Variants in LTBP1 observed in about 807,000 individuals in gnomAD.
LTBP1 encodes latent-transforming growth factor beta-binding protein 1.
In LTBP1, 129 loss-of-function variants were observed where a neutral mutation model predicts 207.6. The observed-to-expected ratio is 0.62, with a 90% confidence interval of 0.54 to 0.72. The LOEUF is 0.72. Ranked by LOEUF, LTBP1 falls within the 30% of genes least tolerant of loss-of-function variation. The pLI, the probability that LTBP1 is intolerant of heterozygous loss-of-function variation, is 0.00. For missense variants in LTBP1, 2,281 were observed against 2,217.2 expected (o/e 1.03, Z -0.58); for synonymous variants, 963 against 833.7 (o/e 1.16, Z -2.67).
At chr2:32,998,941 G>T (rs1449841198) in intron 2 of LTBP1, among the ~76,000 whole-genome samples, 1 of 152,232 alleles carries the variant, frequency 6.6e-6, no homozygotes, top group African/African-American at 2.4e-5. Context: ...CTAAGAACAT[G>T]GTCTGGACCA....
At position 33,082,431 on chromosome 2, in the gene LTBP1, ACTT is replaced by A. The variant is rs1312930130; in HGVS notation, c.864-28150_864-28148del. Among the ~76,000 whole-genome samples the A allele has an allele frequency of 1.5e-4, 17 of 116,038 alleles. 3 individuals carry two copies. The highest frequency in any genetic ancestry group is 1.4e-3 in the East Asian group (5 of 3,606). 76.1% of individuals were successfully genotyped at this position (116,038 alleles called of 152,430 possible). On this transcript the variant is annotated intron_variant, in intron 3 of 33. Coordinates refer to ENST00000404816, the MANE Select transcript of LTBP1 (RefSeq NM_206943.4). ...GTTAACCGTGGCTAAAGTATGACTC[ACTT>A]TTTTTTTTTTTTTTTTTTTTTTTTT...
chr2:33,398,251 C>T (rs375188583), intron 33 of LTBP1, 113 bp from the exon 34 acceptor site: 98 of 892,958 alleles, frequency 1.1e-4, no homozygotes, highest in South Asian at 6.2e-4. Flanking sequence ...GAAGCAATGA[C>T]GAGAAAGCTT....
rs565319084 is a variant in LTBP1 at position 33,009,926 on chromosome 2, G to T, written c.566-10983G>T. Among the ~76,000 whole-genome samples, 93 of 152,314 alleles carry T rather than the reference G, an allele frequency of 6.1e-4. 1 individual carries two copies. The South Asian group carries it at 0.019, about 31-fold the overall frequency. ...ATCTGGAGTTCCAATAAGAGGACAA[G>T]GCCAGACATCTAAGTTCGGGCACTG... is the stretch of plus-strand genomic sequence containing the variant. On this transcript the variant is annotated intron_variant, in intron 2 of 33. Transcript: ENST00000404816.
chr2:32,987,630 G>A (rs976829368), intron 2 of LTBP1, among the ~76,000 whole-genome samples: 2 of 152,174 alleles, frequency 1.3e-5, no homozygotes, highest in African/African-American at 4.8e-5. Context: ...TTCCCTAATA[G>A]TTAGTGGGAA....
chr2:33,383,558 T>A (rs1462531687), intron 31 of LTBP1, among the ~76,000 whole-genome samples: 2 of 152,182 alleles, frequency 1.3e-5, no homozygotes, highest in Admixed American at 1.3e-4. Context: ...CTTTTTCTCT[T>A]TTTTTTCTTT....
chr2:33,134,440 G>A lies in LTBP1; in HGVS notation c.1034-353G>A. The A allele has an allele frequency of 1.4e-6, 1 of 740,408 alleles. No individual in the cohort carries two copies. 45.9% of individuals were successfully genotyped at this position (740,408 alleles called of 1,614,324 possible). Reference sequence around the variant, plus strand: ...GCATTACATCTGCCTGTCAGGGTTGGCTCTTTAATCTGTCGTGCCCTCGGT... The same window carrying A: ...GCATTACATCTGCCTGTCAGGGTTGACTCTTTAATCTGTCGTGCCCTCGGT... On this transcript the variant is annotated intron_variant, in intron 4 of 33. Coordinates refer to ENST00000404816, the MANE Select transcript of LTBP1 (RefSeq NM_206943.4). The surrounding 1 kb of genome is among the most constrained non-coding windows in gnomAD (Gnocchi z 4.4).
intron 3 of LTBP1, among the ~76,000 whole-genome samples, chr2:33,037,128 T>G (rs1177877225): frequency 6.6e-6 from 1 of 152,160 alleles, no homozygotes; most frequent in African/African-American, 2.4e-5. Context: ...GGCTAACTTA[T>G]TGTCTTAGCA....
rs56246215 is a variant in LTBP1 at position 32,971,002 on chromosome 2, TTGTGTGTG to T, written c.565+22091_565+22098del. Among the ~76,000 whole-genome samples the T allele has an allele frequency of 5.2e-3, 742 of 142,488 alleles. 2 individuals are homozygous for T. The highest frequency in any genetic ancestry group is 0.015 in the East Asian group (73 of 4,740). 93.5% of individuals were successfully genotyped at this position (142,488 alleles called of 152,430 possible). On this transcript the variant is annotated intron_variant, in intron 2 of 33. Coordinates refer to ENST00000404816, the MANE Select transcript of LTBP1 (RefSeq NM_206943.4). ...CCTGGTTAGCTGTATTCCTAGGTAT[TTGTGTGTG>T]TGTGTGTGTGTGTGTGTGTGTGTGT... is the stretch of plus-strand genomic sequence containing the variant.
chr2:33,202,863 AGGCTGAG>A (rs1406560010), intron 7 of LTBP1, among the ~76,000 whole-genome samples: 2 of 152,196 alleles, frequency 1.3e-5, no homozygotes, highest in Admixed American at 1.3e-4. Flanking sequence ...GGGGAAGGTG[AGGCTGAG>A]GCTACTAGAC....
At chr2:33,224,336 T>C (rs1288640585) in intron 9 of LTBP1, among the ~76,000 whole-genome samples, 1 of 152,226 alleles carries the variant, frequency 6.6e-6, no homozygotes, top group Non-Finnish European at 1.5e-5. Context: ...CCTGCATAGC[T>C]AATTGTTAGA....
chr2:33,274,929 C>G (rs767744226), intron 16 of LTBP1, 36 bp from the exon 17 acceptor site: 1 of 1,601,658 alleles, frequency 6.2e-7, no homozygotes, highest in African/African-American at 1.3e-5. Context: ...TCTTGCTACA[C>G]AGAACTAATA....
intron 7 of LTBP1, among the ~76,000 whole-genome samples, chr2:33,196,082 T>C (rs1008552909): frequency 6.6e-6 from 1 of 152,210 alleles, no homozygotes; most frequent in African/African-American, 2.4e-5. Context: ...AAACATGACT[T>C]TTATTTGCAC....
chr2:32,986,990 C>T (rs958974097), intron 2 of LTBP1, among the ~76,000 whole-genome samples: 5 of 152,044 alleles, frequency 3.3e-5, no homozygotes, highest in African/African-American at 7.2e-5. Flanking sequence ...AGGGTTGTGG[C>T]GATGGGGGTG....
intron 24 of LTBP1, among the ~76,000 whole-genome samples, chr2:33,339,755 C>T (rs1030790189): frequency 2.0e-5 from 3 of 151,866 alleles, no homozygotes; most frequent in African/African-American, 7.3e-5. Context: ...AAGCAATTCT[C>T]CTGCCTCAGC....
intron 19 of LTBP1, chr2:33,285,962 A>G (rs1242180544): frequency 1.3e-5 from 2 of 152,260 alleles, no homozygotes; most frequent in Admixed American, 6.5e-5. Context: ...CTGTAGGGTC[A>G]TTAGTGATTC....
intron 3 of LTBP1, among the ~76,000 whole-genome samples, chr2:33,057,596 C>T (rs922952607): frequency 6.6e-6 from 1 of 152,212 alleles, no homozygotes; most frequent in Admixed American, 6.5e-5. Context: ...TAAGGCCTGG[C>T]GAGAAATAGA....
At chr2:33,188,249 C>T (rs932917290) in intron 6 of LTBP1, among the ~76,000 whole-genome samples, 10 of 151,720 alleles carry the variant, frequency 6.6e-5, no homozygotes, top group African/African-American at 9.7e-5. Context: ...GGTGAAACCC[C>T]GTCTCTACTA....
intron 3 of LTBP1, among the ~76,000 whole-genome samples, chr2:33,105,429 T>C (rs992887445): frequency 6.6e-6 from 1 of 151,214 alleles, no homozygotes; most frequent in African/African-American, 2.4e-5. Flanking sequence ...TCAAATCATA[T>C]GTGATCTTCT....
At chr2:33,003,943 C>T (rs917288536) in intron 2 of LTBP1, among the ~76,000 whole-genome samples, 1 of 152,166 alleles carries the variant, frequency 6.6e-6, no homozygotes, top group Non-Finnish European at 1.5e-5. Context: ...TGGGTTGATG[C>T]CACCATTGTT....
Sources: allele counts gnomAD v4.1 joint callset (sites outside exome capture counted in the v4.1 genomes callset), GRCh38; gene constraint gnomAD v4.1.1; non-coding constraint Gnocchi (gnomAD v3.1); transcripts MANE v1.5; gene names NCBI Gene and HGNC (gene_info 2026-07-23, HGNC 2026-07-21).